Variants in ATP6V1C1 observed in about 807,000 individuals in gnomAD.
ATP6V1C1 encodes the protein ATPase H+ transporting V1 subunit C1, also known as V-type proton ATPase subunit C 1.
A neutral mutation model predicts 53.9 loss-of-function variants in ATP6V1C1; 45 were observed. That is an observed-to-expected ratio of 0.83 (90% CI 0.66 to 1.07). The LOEUF (loss-of-function observed/expected upper bound fraction) is 1.07, where lower values mean the gene tolerates loss of function less well. Among genes scored for constraint, ATP6V1C1 ranks in the 50% least tolerant of loss-of-function variants. ATP6V1C1 has a pLI of 0.00. For missense variants in ATP6V1C1, 315 were observed against 440.3 expected (o/e 0.72, Z 2.55); for synonymous variants, 153 against 155.2 (o/e 0.99, Z 0.11).
chr8:103,058,359 G>C (rs1817327720), intron 8 of ATP6V1C1, among the ~76,000 whole-genome samples: 1 of 152,164 alleles, frequency 6.6e-6, no homozygotes, highest in African/African-American at 2.4e-5. Flanking sequence ...AAACTTACCT[G>C]TTTAAATTTA....
chr8:103,061,740 A>T (rs987399328), intron 8 of ATP6V1C1, among the ~76,000 whole-genome samples: 12 of 152,228 alleles, frequency 7.9e-5, no homozygotes, highest in Admixed American at 3.9e-4. Context: ...AACACTAAAC[A>T]TTAGAAGAAC....
chr8:103,051,686 GA>G (rs764431370), intron 5 of ATP6V1C1, among the ~76,000 whole-genome samples: 17 of 152,054 alleles, frequency 1.1e-4, no homozygotes, highest in Non-Finnish European at 1.3e-4. Flanking sequence ...ACCAAGTTAA[GA>G]GCTCCTTTTA....
chr8:103,040,625 C>T (rs1389223470), intron 1 of ATP6V1C1, among the ~76,000 whole-genome samples, 173 bp from the exon 2 acceptor site: 1 of 152,052 alleles, frequency 6.6e-6, no homozygotes, highest in Non-Finnish European at 1.5e-5. Flanking sequence ...CGTTTTTTCA[C>T]CATTTGTGTA....
chr8:103,047,430 GCACACACACACACA>G (rs546475923), intron 3 of ATP6V1C1, among the ~76,000 whole-genome samples: 6 of 104,950 alleles, frequency 5.7e-5, no homozygotes, highest in East Asian at 5.5e-4. Flanking sequence ...AAATGCGCGC[GCACACACACACACA>G]CACACACACA....
intron 1 of ATP6V1C1, among the ~76,000 whole-genome samples, chr8:103,032,990 AG>A (rs1816825387): frequency 6.6e-6 from 1 of 152,274 alleles, no homozygotes; most frequent in South Asian, 2.1e-4. Flanking sequence ...TGTATGTGGT[AG>A]AATACTAAGT....
At chr8:103,047,089 G>A (rs1454622537) in intron 3 of ATP6V1C1, among the ~76,000 whole-genome samples, 1 of 152,194 alleles carries the variant, frequency 6.6e-6, no homozygotes, top group Non-Finnish European at 1.5e-5. Flanking sequence ...ACATAGGCAA[G>A]TATATGTATA....
chr8:103,030,314 A>G (rs1478051926), intron 1 of ATP6V1C1, among the ~76,000 whole-genome samples: 1 of 152,170 alleles, frequency 6.6e-6, no homozygotes, highest in African/African-American at 2.4e-5. Context: ...TTAAATGTTA[A>G]AACATGGGGC....
Position 103,070,569 on chromosome 8 carries a change from G to A in ATP6V1C1, c.*1822G>A, listed in dbSNP as rs1817570023. ...AACGTGGCGCTACTCTCTCTATCAT[G>A]GGGGGGCATGTTTTGACATTAAATT... On this transcript the variant is annotated 3_prime_UTR_variant, in exon 13 of 13. Transcript: ENST00000518738. The A allele has an allele frequency of 1.3e-5, 2 of 152,116 alleles. No individual in the cohort carries two copies. Among genetic ancestry groups the A allele is most frequent in the African/African-American group, 2.4e-5 (1 of 41,408 alleles). The allele number at this position is 152,116 out of a possible 1,614,324, so 9.4% of individuals were successfully genotyped here. A position where few individuals can be genotyped will look rare whatever the true frequency, so the allele number is the denominator to read the frequency against.
At position 103,029,417 on chromosome 8, in the gene ATP6V1C1, G is replaced by A. The variant is rs188991918; in HGVS notation, c.-40+8192G>A. The stretch of plus-strand genomic sequence containing the variant: ...CCCAAGTAGCTGAGATTACAGATGC[G>A]TGCCACCGTGTCTTGCTAATTTTTG... On this transcript the variant is annotated intron_variant, in intron 1 of 12. Coordinates refer to ENST00000518738, the MANE Select transcript of ATP6V1C1 (RefSeq NM_001695.5). Among the ~76,000 whole-genome samples the A allele has an allele frequency of 4.4e-3, 661 of 151,912 alleles. 5 individuals carry two copies. Among genetic ancestry groups the A allele is most frequent in the Admixed American group, 8.8e-3 (134 of 15,242 alleles).
At chr8:103,066,198 GGTAAA>G in intron 11 of ATP6V1C1, 118 bp from the exon 12 acceptor site, 1 of 607,320 alleles carries the variant, frequency 1.6e-6, no homozygotes, top group Non-Finnish European at 2.3e-6. Context: ...AACTTGTAAA[GGTAAA>G]GGGAGATATT....
intron 3 of ATP6V1C1, among the ~76,000 whole-genome samples, chr8:103,043,586 C>A (rs1413520114): frequency 6.6e-6 from 1 of 152,100 alleles, no homozygotes; most frequent in African/African-American, 2.4e-5. Context: ...CCACCTTGGC[C>A]TCCCAAAGTG....
chr8:103,037,038 G>A (rs909594140), intron 1 of ATP6V1C1, among the ~76,000 whole-genome samples: 9 of 149,780 alleles, frequency 6.0e-5, no homozygotes, highest in Non-Finnish European at 1.0e-4. Context: ...AACTGAAAAT[G>A]TTAAAGTTCG....
At chr8:103,023,035 A>G (rs1417519714) in intron 1 of ATP6V1C1, among the ~76,000 whole-genome samples, 1 of 152,208 alleles carries the variant, frequency 6.6e-6, no homozygotes, top group Non-Finnish European at 1.5e-5. Flanking sequence ...CCTGGGAAAC[A>G]GAGCTAGACC....
At position 103,066,348 on chromosome 8, in the gene ATP6V1C1, A is replaced by G; in HGVS notation, c.954A>G (p.Ala318=). 2 of 1,612,980 alleles carry G rather than the reference A, an allele frequency of 1.2e-6. No homozygotes were observed. The highest frequency in any genetic ancestry group is 1.3e-5 in the African/African-American group (1 of 74,992). The part of the protein sequence containing the change: ...LRYGLPVNFQ[A]MLLQPNKKTL... ...ATGGCTTGCCAGTGAACTTCCAAGC[A>G]ATGCTACTTCAGCCCAATAAGAAAA... The change falls in exon 12 of 13, where the codon GCA becomes GCG. Residue 318 remains alanine (A), a synonymous_variant. Coordinates refer to ENST00000518738, the MANE Select transcript of ATP6V1C1 (RefSeq NM_001695.5).
At chr8:103,034,545 A>T (rs990663222) in intron 1 of ATP6V1C1, among the ~76,000 whole-genome samples, 4 of 151,274 alleles carry the variant, frequency 2.6e-5, no homozygotes, top group Non-Finnish European at 5.9e-5. Context: ...ACTAAACTTA[A>T]ATTGTTCTTA....
rs1449029159 is a variant in ATP6V1C1, at chr8:103,069,516, CAAAT to C, written c.*772_*775del. Reference sequence around the variant, plus strand: ...TTGAACACTAGAATTTTAGGTCTCTCAAATAATTAAGAATAGAGCCAGTTTTGAA... The same window carrying C: ...TTGAACACTAGAATTTTAGGTCTCTCAATTAAGAATAGAGCCAGTTTTGAA... On this transcript the variant is annotated 3_prime_UTR_variant, in exon 13 of 13. Transcript: ENST00000518738. 6.6e-6 allele frequency: 1 copy of C among 152,138 alleles called. No individual in the cohort carries two copies. Among genetic ancestry groups the C allele is most frequent in the African/African-American group, 2.4e-5 (1 of 41,432 alleles). The allele number at this position is 152,138 out of a possible 1,614,324, so 9.4% of individuals were successfully genotyped here.
rs1355687165 is a variant in ATP6V1C1 at position 103,071,067 on chromosome 8, A to G, written c.*2320A>G. ...AAAATCCAGATCCACATCATTGTAG[A>G]GTCTGAGGGTTAGAAGGAAGTCATT... is the stretch of plus-strand genomic sequence containing the variant. On this transcript the variant is annotated 3_prime_UTR_variant, in exon 13 of 13. Coordinates refer to ENST00000518738, the MANE Select transcript of ATP6V1C1 (RefSeq NM_001695.5). The G allele has an allele frequency of 2.6e-5, 4 of 152,196 alleles. No homozygotes were observed. Among genetic ancestry groups the G allele is most frequent in the African/African-American group, 9.7e-5 (4 of 41,434 alleles). 9.4% of individuals were successfully genotyped at this position (152,196 alleles called of 1,614,324 possible).
At chr8:103,052,685 G>T (rs377317770) in intron 5 of ATP6V1C1, 46 bp from the exon 6 acceptor site, 27 of 1,345,366 alleles carry the variant, frequency 2.0e-5, no homozygotes, top group Non-Finnish European at 2.5e-5. Flanking sequence ...AGTAGAGGCA[G>T]ATTTAGGAAA....
chr8:103,062,259 C>T (rs1033389152), intron 8 of ATP6V1C1, among the ~76,000 whole-genome samples: 2 of 147,800 alleles, frequency 1.4e-5, no homozygotes, highest in Non-Finnish European at 3.0e-5. Flanking sequence ...TAGCCTCAAC[C>T]TCCCCAGCTC....
Sources: allele counts gnomAD v4.1 joint callset (sites outside exome capture counted in the v4.1 genomes callset), GRCh38; gene constraint gnomAD v4.1.1; transcripts MANE v1.5; gene names NCBI Gene and HGNC (gene_info 2026-07-23, HGNC 2026-07-21).